Variants in CAMTA1 observed in about 807,000 individuals in gnomAD.
CAMTA1 encodes the protein calmodulin binding transcription activator 1.
CAMTA1 carries 27 observed loss-of-function variants against 170.9 expected under a neutral mutation model. The observed-to-expected ratio is 0.16, with a 90% CI of 0.12 to 0.22. The LOEUF (loss-of-function observed/expected upper bound fraction) is 0.22. Among genes scored for constraint, CAMTA1 ranks in the 10% least tolerant of loss-of-function variants. The pLI is 1.00. For missense variants in CAMTA1, 1,619 were observed against 2,217.2 expected (o/e 0.73, Z 5.42); for synonymous variants, 833 against 891.5 (o/e 0.93, Z 1.17).
intron 5 of CAMTA1, among the ~76,000 whole-genome samples, chr1:7,380,838 C>T (rs2087241743): frequency 6.6e-6 from 1 of 152,196 alleles, no homozygotes; most frequent in African/African-American, 2.4e-5. Context: ...TTCTGGATTG[C>T]TAAGCAAAGC....
At chr1:7,283,961 G>A (rs887167670) in intron 5 of CAMTA1, among the ~76,000 whole-genome samples, 1 of 152,100 alleles carries the variant, frequency 6.6e-6, no homozygotes, top group Non-Finnish European at 1.5e-5. Context: ...CTAGGCATCT[G>A]GAGCCACTTA....
chr1:7,477,984 C>T (rs1230265310), intron 6 of CAMTA1, among the ~76,000 whole-genome samples: 1 of 152,198 alleles, frequency 6.6e-6, no homozygotes, highest in African/African-American at 2.4e-5. Flanking sequence ...TGACTCTGGC[C>T]AACTGAATCA....
At chr1:7,078,105 A>G (rs1265955592) in intron 3 of CAMTA1, among the ~76,000 whole-genome samples, 2 of 152,244 alleles carry the variant, frequency 1.3e-5, no homozygotes, top group East Asian at 3.8e-4. Flanking sequence ...TGGATGCAGC[A>G]TATTTTTGCA....
rs1378295058 is a variant in CAMTA1 at position 7,113,949 on chromosome 1, A to T, written c.302+22578A>T. Among the ~76,000 whole-genome samples the T allele has an allele frequency of 1.3e-5, 2 of 152,172 alleles. No homozygotes were observed. The highest frequency in any genetic ancestry group is 2.9e-5 in the Non-Finnish European group (2 of 68,026). On this transcript the variant is annotated intron_variant, in intron 4 of 22. Coordinates refer to ENST00000303635, the MANE Select transcript of CAMTA1 (RefSeq NM_015215.4). The surrounding 1 kb of genome is among the most constrained non-coding windows in gnomAD (Gnocchi z 4.5). The stretch of plus-strand genomic sequence containing the variant: ...ATTGGTCTTTCTTTACATCATCGGC[A>T]AGCCACTGTTTCGGATTCTTCAGGG...
At chr1:7,035,387 C>T (rs952103936) in intron 3 of CAMTA1, among the ~76,000 whole-genome samples, 9 of 148,322 alleles carry the variant, frequency 6.1e-5, no homozygotes, top group African/African-American at 1.3e-4. Flanking sequence ...GCAACAAGAG[C>T]GAAACTCGGT....
intron 5 of CAMTA1, among the ~76,000 whole-genome samples, chr1:7,383,673 G>A (rs553666972): frequency 6.6e-6 from 1 of 152,266 alleles, no homozygotes; most frequent in East Asian, 1.9e-4. Context: ...TGGTCATGGT[G>A]GTGGTGCTGC....
At chr1:6,871,196 T>G (rs895854596) in intron 3 of CAMTA1, among the ~76,000 whole-genome samples, 5 of 152,070 alleles carry the variant, frequency 3.3e-5, no homozygotes, top group Admixed American at 6.5e-5. Context: ...TAGCAAGTTA[T>G]TTTGCTTAAA....
At chr1:7,735,835 G>C (rs1005016055) in intron 12 of CAMTA1, among the ~76,000 whole-genome samples, 1 of 151,994 alleles carries the variant, frequency 6.6e-6, no homozygotes, top group Non-Finnish European at 1.5e-5. Context: ...GCAGTGGCGC[G>C]ATCACAGCTC....
At chr1:7,558,721 C>A (rs1267735864) in intron 6 of CAMTA1, among the ~76,000 whole-genome samples, 1 of 152,230 alleles carries the variant, frequency 6.6e-6, no homozygotes, top group Non-Finnish European at 1.5e-5. Context: ...CTTCCGCCAC[C>A]CCCTGTGTCT....
intron 6 of CAMTA1, among the ~76,000 whole-genome samples, chr1:7,558,448 C>G (rs989097194): frequency 6.6e-6 from 1 of 152,260 alleles, no homozygotes; most frequent in African/African-American, 2.4e-5. Flanking sequence ...AGGGCCCAGA[C>G]AGCTGCTTCC....
chr1:7,070,010 G>A (rs1299342942), intron 3 of CAMTA1, among the ~76,000 whole-genome samples: 3 of 152,186 alleles, frequency 2.0e-5, no homozygotes, highest in East Asian at 3.9e-4. Flanking sequence ...ACGTCCTCTC[G>A]CCCTCCTCCG....
chr1:6,796,481 A>G (rs1642555289), intron 1 of CAMTA1, among the ~76,000 whole-genome samples: 1 of 152,234 alleles, frequency 6.6e-6, no homozygotes, highest in Admixed American at 6.5e-5. Context: ...GGAAGATTAT[A>G]TAATGCTTTA....
chr1:7,459,674 C>G (rs1408415030), intron 5 of CAMTA1, among the ~76,000 whole-genome samples: 5 of 152,222 alleles, frequency 3.3e-5, no homozygotes, highest in Non-Finnish European at 7.4e-5. Flanking sequence ...AGGTGCTGCC[C>G]TACCCCACTG....
intron 5 of CAMTA1, among the ~76,000 whole-genome samples, chr1:7,384,837 G>A (rs186206719): frequency 1.0e-3 from 157 of 152,166 alleles, no homozygotes; most frequent in Non-Finnish European, 7.5e-4. Context: ...GAAAGACTCC[G>A]GGGACATGTC....
chr1:7,705,832 G>A (rs553154896), intron 11 of CAMTA1, among the ~76,000 whole-genome samples: 1 of 152,332 alleles, frequency 6.6e-6, no homozygotes, highest in South Asian at 2.1e-4. Context: ...TGGAAGGCTC[G>A]GAGGAACTTC....
At chr1:7,729,743 C>A (rs145889042) in intron 11 of CAMTA1, among the ~76,000 whole-genome samples, 1 of 152,336 alleles carries the variant, frequency 6.6e-6, no homozygotes, top group Non-Finnish European at 1.5e-5. Flanking sequence ...ACCTACCTCA[C>A]GTGATGGTTG....
chr1:7,391,389 GGTTTTATT>G (rs1398599140), intron 5 of CAMTA1, among the ~76,000 whole-genome samples: 6 of 149,840 alleles, frequency 4.0e-5, no homozygotes, highest in Admixed American at 3.3e-4. Context: ...AAAGTCTGTG[GGTTTTATT>G]GTCATCCCCT....
chr1:7,758,807 C>T (rs577901996), intron 22 of CAMTA1, among the ~76,000 whole-genome samples: 8 of 151,792 alleles, frequency 5.3e-5, no homozygotes, highest in African/African-American at 1.9e-4. Flanking sequence ...CGGTGGCGGG[C>T]GCCTGTAGTC....
chr1:6,910,963 G>C (rs1418729483), intron 3 of CAMTA1, among the ~76,000 whole-genome samples: 1 of 152,192 alleles, frequency 6.6e-6, no homozygotes, highest in East Asian at 1.9e-4. Flanking sequence ...GGAGCTGTGT[G>C]TCCCCATTGC....
Sources: gnomAD v4.1 joint callset for allele counts (sites outside exome capture counted in the v4.1 genomes callset) on GRCh38, gnomAD v4.1.1 for gene constraint, Gnocchi (gnomAD v3.1) non-coding constraint, MANE v1.5 for transcripts, NCBI Gene and HGNC (gene_info 2026-07-23, HGNC 2026-07-21) for gene names.